Variants in XKR6 observed in about 807,000 individuals in gnomAD.
XKR6 encodes the protein XK related 6.
Under a neutral mutation model 56.7 loss-of-function variants are expected in XKR6, and 22 were observed. The observed-to-expected ratio is 0.39, with a 90% CI of 0.28 to 0.55. The LOEUF (loss-of-function observed/expected upper bound fraction) is 0.55. XKR6 is among the 20% of genes least tolerant of loss of function. The pLI, the probability that XKR6 is intolerant of heterozygous loss-of-function variation, is 0.66. For synonymous variants in XKR6, 524 were observed against 387.8 expected (o/e 1.35, Z -4.13); for missense variants, 852 against 889.0 (o/e 0.96, Z 0.53).
intron 2 of XKR6, among the ~76,000 whole-genome samples, chr8:10,906,005 T>C (rs554650055): frequency 1.3e-5 from 2 of 152,274 alleles, no homozygotes; most frequent in African/African-American, 2.4e-5. Flanking sequence ...AGCATCCTGA[T>C]GACTTCTATG....
At chr8:10,996,666 G>T (rs1798120388) in intron 1 of XKR6, among the ~76,000 whole-genome samples, 1 of 152,152 alleles carries the variant, frequency 6.6e-6, no homozygotes. Context: ...GTTGGGTGAA[G>T]ACTGTTCTGG....
chr8:10,975,744 C>T (rs1464412395), intron 1 of XKR6, among the ~76,000 whole-genome samples: 7 of 152,330 alleles, frequency 4.6e-5, no homozygotes, highest in Non-Finnish European at 7.3e-5. Context: ...CCCAGCTGAC[C>T]GCAAGGCCGA....
chr8:11,166,894 G>A (rs1039874785), intron 1 of XKR6, among the ~76,000 whole-genome samples: 4 of 152,140 alleles, frequency 2.6e-5, no homozygotes, highest in African/African-American at 9.7e-5. Context: ...ATTTAATAGG[G>A]AAAATATTAA....
At chr8:10,995,855 C>T (rs1798100407) in intron 1 of XKR6, among the ~76,000 whole-genome samples, 1 of 152,174 alleles carries the variant, frequency 6.6e-6, no homozygotes. Context: ...GCAATCCTTC[C>T]TCTTTGGTGA....
intron 1 of XKR6, among the ~76,000 whole-genome samples, chr8:11,127,018 T>A (rs1203479007): frequency 6.6e-6 from 1 of 152,124 alleles, no homozygotes; most frequent in Non-Finnish European, 1.5e-5. Flanking sequence ...TTTAACAACA[T>A]CAGGGTAAGT....
chr8:10,924,010 C>A (rs558313593), intron 2 of XKR6, among the ~76,000 whole-genome samples: 1 of 152,230 alleles, frequency 6.6e-6, no homozygotes, highest in Non-Finnish European at 1.5e-5. Flanking sequence ...GGATAAGCAT[C>A]TCCCTGCAAC....
intron 1 of XKR6, among the ~76,000 whole-genome samples, chr8:11,171,798 A>G (rs1354681766): frequency 6.6e-6 from 1 of 152,100 alleles, no homozygotes; most frequent in Non-Finnish European, 1.5e-5. Flanking sequence ...CACGCCTGTA[A>G]TCCCAGCACT....
intron 1 of XKR6, among the ~76,000 whole-genome samples, chr8:11,161,534 T>C (rs957708457): frequency 1.3e-5 from 2 of 152,236 alleles, no homozygotes; most frequent in African/African-American, 4.8e-5. Context: ...ATGACCACAA[T>C]GCACACATCA....
In XKR6 at chr8:11,201,018, G is replaced by A. The variant is rs759967372; in HGVS notation, c.322C>T (p.Pro108Ser). The A allele has an allele frequency of 4.9e-6, 6 of 1,232,456 alleles. No individual in the cohort carries two copies. The highest frequency in any genetic ancestry group is 1.0e-6 in the Non-Finnish European group (1 of 990,800). The allele number at this position is 1,232,456 out of a possible 1,614,324, so 76.3% of individuals were successfully genotyped here. The part of the protein sequence containing the change: ...PAAPGAGRQP[P>S]TPSAARPEPP... The stretch of plus-strand genomic sequence containing the variant: ...TCCGGCCGCGCGGCCGAGGGCGTCG[G>A]GGGTTGGCGGCCGGCGCCGGGGGCC... Residue 108 changes from proline to serine, a missense_variant, in exon 1 of 3, where the codon CCG becomes TCG. Coordinates refer to ENST00000416569, the MANE Select transcript of XKR6 (RefSeq NM_173683.4).
At chr8:11,154,556 G>C (rs1801419804) in intron 1 of XKR6, among the ~76,000 whole-genome samples, 1 of 152,136 alleles carries the variant, frequency 6.6e-6, no homozygotes, top group Admixed American at 6.5e-5. Context: ...CCAGCAAATT[G>C]TCAGACCTGA....
intron 1 of XKR6, among the ~76,000 whole-genome samples, chr8:11,173,350 A>AATATATAT (rs58235734): frequency 7.0e-6 from 1 of 142,850 alleles, no homozygotes; most frequent in African/African-American, 2.7e-5. Context: ...CCTTAAAAAA[A>AATATATAT]ATATATATAT....
chr8:10,915,926 T>TCA (rs1800551191), intron 2 of XKR6, among the ~76,000 whole-genome samples: 1 of 151,852 alleles, frequency 6.6e-6, no homozygotes, highest in Non-Finnish European at 1.5e-5. Context: ...CAAGAGGGAG[T>TCA]TGGTCCTCTT....
intron 1 of XKR6, among the ~76,000 whole-genome samples, chr8:11,189,825 GCTC>G (rs1803456819): frequency 6.6e-6 from 1 of 152,072 alleles, no homozygotes; most frequent in Non-Finnish European, 1.5e-5. Context: ...CAAATATCTG[GCTC>G]CTCAAGTGAT....
chr8:11,108,920 T>C (rs1313430479), intron 1 of XKR6: 2 of 152,374 alleles, frequency 1.3e-5, no homozygotes, highest in Non-Finnish European at 2.9e-5. Flanking sequence ...AGAGTTTGTC[T>C]GAAACTTCCA....
At chr8:10,911,210 G>A (rs1045094479) in intron 2 of XKR6, among the ~76,000 whole-genome samples, 2 of 142,888 alleles carry the variant, frequency 1.4e-5, no homozygotes, top group African/African-American at 2.8e-5. Context: ...GTGTGTGTGT[G>A]TGTGTGTGTG....
intron 1 of XKR6, among the ~76,000 whole-genome samples, chr8:11,016,991 A>G (rs1798640106): frequency 6.6e-6 from 1 of 152,258 alleles, no homozygotes; most frequent in African/African-American, 2.4e-5. Context: ...GATTAGATAG[A>G]CTGATAAGAT....
intron 1 of XKR6, among the ~76,000 whole-genome samples, chr8:10,938,142 C>T (rs1483495248): frequency 6.6e-6 from 1 of 152,324 alleles, no homozygotes; most frequent in Non-Finnish European, 1.5e-5. Flanking sequence ...GCGCAATATT[C>T]GGGTGGGAGT....
intron 1 of XKR6, among the ~76,000 whole-genome samples, chr8:11,024,585 C>G (rs1002852323): frequency 1.3e-5 from 2 of 152,202 alleles, no homozygotes; most frequent in Admixed American, 1.3e-4. Flanking sequence ...TTGGCCTCTC[C>G]CAGACTTCAT....
At chr8:10,902,914 G>C (rs908958694) in intron 2 of XKR6, among the ~76,000 whole-genome samples, 28 of 152,178 alleles carry the variant, frequency 1.8e-4, no homozygotes, top group African/African-American at 6.5e-4. Context: ...CATCACCAAA[G>C]TATTCCCCAT....
Sources: allele counts gnomAD v4.1 joint callset (sites outside exome capture counted in the v4.1 genomes callset), GRCh38; gene constraint gnomAD v4.1.1; transcripts MANE v1.5; gene names NCBI Gene and HGNC (gene_info 2026-07-23, HGNC 2026-07-21).